The following LRRC37A2 variants were observed in gnomAD, a reference collection of about 807,000 sequenced individuals.
LRRC37A2 encodes leucine rich repeat containing 37 member A2, also known as leucine-rich repeat-containing protein 37A2.
LRRC37A2 carries 9 observed loss-of-function variants against 68.8 expected under a neutral mutation model. The observed-to-expected ratio is 0.13, with a 90% CI of 0.08 to 0.23. The LOEUF (loss-of-function observed/expected upper bound fraction) is 0.23, where lower values mean the gene tolerates loss of function less well. Among genes scored for constraint, LRRC37A2 ranks in the 10% least tolerant of loss-of-function variants. The pLI is 1.00. For missense variants in LRRC37A2, 168 were observed against 950.4 expected (o/e 0.18, Z 10.82); for synonymous variants, 63 against 367.6 (o/e 0.17, Z 9.48).
chr17:46,948,943 C>T, the LRRC37A2 span: 1 of 152,226 alleles, frequency 6.6e-6, no homozygotes, highest in Non-Finnish European at 1.5e-5. Context: ...CTTTCGATAG[C>T]TACGAACTGA....
At chr17:46,945,600 G>A in the LRRC37A2 span, among the ~76,000 whole-genome samples, 4 of 152,092 alleles carry the variant, frequency 2.6e-5, no homozygotes, top group Admixed American at 6.6e-5. Flanking sequence ...AGGAACAGGC[G>A]TGGGCTATGC....
the LRRC37A2 span, among the ~76,000 whole-genome samples, chr17:46,771,499 C>A: frequency 6.7e-6 from 1 of 149,344 alleles, no homozygotes; most frequent in Non-Finnish European, 1.5e-5. Flanking sequence ...AACGCGGGGG[C>A]GGCGGGGGCG....
At chr17:46,499,410 G>A in the LRRC37A2 span, among the ~76,000 whole-genome samples, 1 of 150,172 alleles carries the variant, frequency 6.7e-6, no homozygotes, top group Non-Finnish European at 1.5e-5. Flanking sequence ...AAGTCTAGAA[G>A]TCTGAAAACG....
At chr17:46,790,664 C>T in the LRRC37A2 span, among the ~76,000 whole-genome samples, 2 of 152,300 alleles carry the variant, frequency 1.3e-5, no homozygotes, top group Admixed American at 6.5e-5. Context: ...CTTCCTCTCC[C>T]GAAGTAGCCC....
the LRRC37A2 span, among the ~76,000 whole-genome samples, chr17:46,801,984 G>A: frequency 0.29 from 44,792 of 152,126 alleles, 8,068 homozygotes; most frequent in Non-Finnish European, 0.41. Flanking sequence ...TTCATGCCAG[G>A]TTCACAAACT....
chr17:46,966,922 A>G, the LRRC37A2 span: 2 of 390,674 alleles, frequency 5.1e-6, no homozygotes, highest in African/African-American at 2.1e-5. Context: ...ATGAAATTTT[A>G]TTTGAATCTG....
chr17:46,743,310 A>G, the LRRC37A2 span, among the ~76,000 whole-genome samples: 1 of 152,072 alleles, frequency 6.6e-6, no homozygotes, highest in East Asian at 1.9e-4. Context: ...TCCTGACACC[A>G]CAGGCAGAGG....
chr17:46,874,342 G>A, the LRRC37A2 span, among the ~76,000 whole-genome samples: 390 of 152,288 alleles, frequency 2.6e-3, 2 homozygotes, highest in African/African-American at 9.0e-3. Flanking sequence ...AGCCCATGGG[G>A]CTTATCTCAG....
chr17:46,838,605 C>T, the LRRC37A2 span, among the ~76,000 whole-genome samples: 29 of 151,548 alleles, frequency 1.9e-4, 1 homozygote, highest in African/African-American at 4.6e-4. Flanking sequence ...CCAGCCTGGG[C>T]GACAGAGCGA....
chr17:46,820,829 T>A, the LRRC37A2 span, among the ~76,000 whole-genome samples: 2 of 151,954 alleles, frequency 1.3e-5, no homozygotes, highest in Non-Finnish European at 2.9e-5. Flanking sequence ...GGCTCGGGAG[T>A]TCCAGAGCCC....
the LRRC37A2 span, among the ~76,000 whole-genome samples, chr17:47,027,355 A>C: frequency 6.6e-6 from 1 of 152,178 alleles, no homozygotes; most frequent in Non-Finnish European, 1.5e-5. Context: ...ATTATGTTGT[A>C]TATTTATTAA....
the LRRC37A2 span, among the ~76,000 whole-genome samples, chr17:46,642,068 CCCA>C: frequency 1.0e-5 from 1 of 98,766 alleles, no homozygotes; most frequent in African/African-American, 4.3e-5. Flanking sequence ...GTAAATTTTG[CCCA>C]CAAGAGGGCA....
chr17:46,987,156 T>C, the LRRC37A2 span, among the ~76,000 whole-genome samples: 1 of 151,914 alleles, frequency 6.6e-6, no homozygotes, highest in Non-Finnish European at 1.5e-5. Flanking sequence ...GGAAGGAAAA[T>C]CGCTTGAACT....
At chr17:46,803,295 A>G in the LRRC37A2 span, among the ~76,000 whole-genome samples, 1 of 152,218 alleles carries the variant, frequency 6.6e-6, no homozygotes, top group African/African-American at 2.4e-5. Context: ...GCACTTTCGG[A>G]GGCCCAGACA....
the LRRC37A2 span, among the ~76,000 whole-genome samples, chr17:46,854,600 C>G: frequency 1.3e-5 from 2 of 151,694 alleles, no homozygotes; most frequent in East Asian, 3.9e-4. Context: ...TTTGAGTGAG[C>G]CTAGAGCCTA....
the LRRC37A2 span, among the ~76,000 whole-genome samples, chr17:46,865,014 C>T: frequency 6.6e-6 from 1 of 152,158 alleles, no homozygotes; most frequent in Admixed American, 6.5e-5. Context: ...TGTTTACAGT[C>T]ACAGACTCAT....
the LRRC37A2 span, chr17:46,833,055 C>T: frequency 3.0e-6 from 1 of 335,440 alleles, no homozygotes; most frequent in Non-Finnish European, 5.9e-6. Flanking sequence ...GCAGTGACTG[C>T]TGTGTCCCTG....
At chr17:46,656,011 C>A in the LRRC37A2 span, among the ~76,000 whole-genome samples, 1 of 61,254 alleles carries the variant, frequency 1.6e-5, no homozygotes, top group Non-Finnish European at 2.8e-5. Flanking sequence ...ACAAAACAGA[C>A]TGAAAGACAT....
At chr17:46,495,363 T>A in the LRRC37A2 span, among the ~76,000 whole-genome samples, 3 of 149,258 alleles carry the variant, frequency 2.0e-5, no homozygotes, top group East Asian at 5.9e-4. Context: ...TAAACCACTG[T>A]GCTCCTTTAT....
Sources: gnomAD v4.1 joint callset for allele counts (sites outside exome capture counted in the v4.1 genomes callset) on GRCh38, gnomAD v4.1.1 for gene constraint, MANE v1.5 for transcripts, NCBI Gene and HGNC (gene_info 2026-07-23, HGNC 2026-07-21) for gene names.